Variants in ADAMTS3 observed in about 807,000 individuals in gnomAD.
ADAMTS3 encodes ADAM metallopeptidase with thrombospondin type 1 motif 3.
A neutral mutation model predicts 129.0 loss-of-function variants in ADAMTS3; 73 were observed. That is an observed-to-expected ratio of 0.57 (90% CI 0.47 to 0.69). The LOEUF is 0.69. Among genes scored for constraint, ADAMTS3 ranks in the 30% least tolerant of loss-of-function variants. ADAMTS3 has a pLI of 0.00. For missense variants in ADAMTS3, 1,457 were observed against 1,514.5 expected, an observed-to-expected ratio of 0.96 and a Z score of 0.63; for synonymous variants, 477 against 510.8, an observed-to-expected ratio of 0.93 and a Z score of 0.89.
At chr4:72,434,281 G>A (rs1016588190) in intron 3 of ADAMTS3, among the ~76,000 whole-genome samples, 24 of 151,716 alleles carry the variant, frequency 1.6e-4, no homozygotes, top group African/African-American at 5.6e-4. Context: ...AAATTCATTT[G>A]CTCATTCAGT....
rs758738857 is a variant in ADAMTS3 at position 72,305,996 on chromosome 4, G to A, written c.2251C>T (p.His751Tyr). ...AGACAGAAACACTTACCAAGAATAT[G>A]AGGAGAAGCCTCGTCTTCTTGGATT... ...VLIQEDEASP[H>Y]ILAIKNQATG... The change falls in exon 16 of 22, where the codon CAT becomes TAT. Residue 751 changes from histidine to tyrosine, a missense_variant. His to Tyr is a moderately conservative substitution (Grantham distance 83). Coordinates refer to ENST00000286657, the MANE Select transcript of ADAMTS3 (RefSeq NM_014243.3). The A allele has an allele frequency of 1.9e-6, 3 of 1,611,238 alleles. No homozygotes were observed. Among genetic ancestry groups the A allele is most frequent in the Non-Finnish European group, 2.5e-6 (3 of 1,178,354 alleles).
chr4:72,335,030 G>A (rs980597062), intron 5 of ADAMTS3, among the ~76,000 whole-genome samples: 2 of 152,080 alleles, frequency 1.3e-5, no homozygotes, highest in Non-Finnish European at 2.9e-5. Context: ...AAATCATCTA[G>A]GGTCTGCTCA....
At chr4:72,484,926 C>T (rs1313283285) in intron 3 of ADAMTS3, among the ~76,000 whole-genome samples, 2 of 152,060 alleles carry the variant, frequency 1.3e-5, no homozygotes, top group Non-Finnish European at 2.9e-5. Context: ...TTCCTATTTC[C>T]CACATTATAA....
chr4:72,316,687 T>C (rs1719405649), intron 10 of ADAMTS3, among the ~76,000 whole-genome samples: 1 of 126,152 alleles, frequency 7.9e-6, no homozygotes, highest in South Asian at 2.5e-4. Flanking sequence ...TGAGACACTA[T>C]CTCAAAATAA....
chr4:72,321,790 A>AT (rs779322014), intron 6 of ADAMTS3, among the ~76,000 whole-genome samples: 71 of 148,692 alleles, frequency 4.8e-4, no homozygotes, highest in Non-Finnish European at 7.8e-4. Context: ...AAAAACTCCC[A>AT]TTTTTTTTTT....
At chr4:72,404,825 A>AACACACACACACAC (rs146366382) in intron 4 of ADAMTS3, among the ~76,000 whole-genome samples, 5 of 148,812 alleles carry the variant, frequency 3.4e-5, no homozygotes, top group African/African-American at 1.2e-4. Context: ...AAGCAAACAA[A>AACACACACACACAC]ACACACACAC....
At position 72,413,746 on chromosome 4, in the gene ADAMTS3, C is replaced by T. The variant is rs567417445; in HGVS notation, c.661+1069G>A. 6.6e-5 allele frequency among the ~76,000 whole-genome samples: 10 copies of T among 151,964 alleles called. No individual in the cohort carries two copies. In the South Asian group the frequency reaches 1.9e-3, roughly 28 times the overall value. The stretch of plus-strand genomic sequence containing the variant: ...TAAGGTAACAGAACAACTTGGTGTG[C>T]AGAGCTATTATTACTCATACCAAGT... On this transcript the variant is annotated intron_variant, in intron 4 of 21. Coordinates refer to ENST00000286657, the MANE Select transcript of ADAMTS3 (RefSeq NM_014243.3).
chr4:72,399,819 G>C lies in ADAMTS3; in HGVS notation c.661+14996C>G, dbSNP rs544772081. On this transcript the variant is annotated intron_variant, in intron 4 of 21. Coordinates refer to ENST00000286657, the MANE Select transcript of ADAMTS3 (RefSeq NM_014243.3). The stretch of plus-strand genomic sequence containing the variant: ...GTGTATATATATACACACACGGTGT[G>C]TATATACGTGTGTATATATATACAC... Among the ~76,000 whole-genome samples, 9 of 138,062 alleles carry C rather than the reference G, an allele frequency of 6.5e-5. 1 individual carries two copies. Among genetic ancestry groups the C allele is most frequent in the African/African-American group, 2.5e-4 (9 of 35,998 alleles). The allele number at this position is 138,062 out of a possible 152,430, so 90.6% of individuals were successfully genotyped here. A position where few individuals can be genotyped will look rare whatever the true frequency, so the allele number is the denominator to read the frequency against.
chr4:72,548,512 C>G lies in ADAMTS3; in HGVS notation c.470G>C (p.Gly157Ala). Reference sequence around the variant, plus strand: ...ACAGTTGCTGATGGCAACAGAGGTTCCTGGAATGTCCACGATGTCACCAAC... The same window carrying G: ...ACAGTTGCTGATGGCAACAGAGGTTGCTGGAATGTCCACGATGTCACCAAC... Reference protein sequence around the residue: ...AYVGDIVDIPGTSVAISNCDG... With the variant: ...AYVGDIVDIPATSVAISNCDG... Residue 157 changes from glycine (G) to alanine (A), a missense_variant, in exon 3 of 22, where the codon GGA (glycine) becomes GCA (alanine). Coordinates refer to ENST00000286657, the MANE Select transcript of ADAMTS3 (RefSeq NM_014243.3). 6.2e-7 allele frequency: 1 copy of G among 1,613,838 alleles called. No individual in the cohort carries two copies. Among genetic ancestry groups the G allele is most frequent in the Non-Finnish European group, 8.5e-7 (1 of 1,179,828 alleles).
At chr4:72,530,809 ATAT>A (rs1721019488) in intron 3 of ADAMTS3, among the ~76,000 whole-genome samples, 1 of 117,886 alleles carries the variant, frequency 8.5e-6, no homozygotes, top group East Asian at 2.2e-4. Flanking sequence ...TATATATTAT[ATAT>A]TATATATTAT....
At chr4:72,354,172 G>A (rs1720515971) in intron 4 of ADAMTS3, among the ~76,000 whole-genome samples, 1 of 151,938 alleles carries the variant, frequency 6.6e-6, no homozygotes, top group Non-Finnish European at 1.5e-5. Context: ...TAGTCCAAGT[G>A]TTTGTTTAGA....
intron 6 of ADAMTS3, 53 bp from the exon 7 acceptor site, chr4:72,320,923 G>A (rs1664408570): frequency 7.1e-6 from 11 of 1,544,888 alleles, no homozygotes; most frequent in Admixed American, 6.0e-5. Flanking sequence ...CAAAGGCTTC[G>A]TTTGATAATT....
At chr4:72,352,400 C>G (rs1024536985) in intron 4 of ADAMTS3, among the ~76,000 whole-genome samples, 1 of 152,018 alleles carries the variant, frequency 6.6e-6, no homozygotes, top group African/African-American at 2.4e-5. Context: ...ACAAGGAAAA[C>G]CTTCACATAT....
intron 4 of ADAMTS3, among the ~76,000 whole-genome samples, chr4:72,378,226 T>C (rs1213164568): frequency 2.6e-5 from 4 of 152,148 alleles, no homozygotes; most frequent in African/African-American, 9.7e-5. Flanking sequence ...TATAAAACAC[T>C]AAGCCTATGA....
At chr4:72,412,777 T>C (rs1722213497) in intron 4 of ADAMTS3, among the ~76,000 whole-genome samples, 1 of 152,038 alleles carries the variant, frequency 6.6e-6, no homozygotes, top group Non-Finnish European at 1.5e-5. Context: ...CCCATGACCA[T>C]TGAAACTTGT....
intron 19 of ADAMTS3, 118 bp from the exon 20 acceptor site, chr4:72,291,180 T>G (rs1718653273): frequency 2.0e-6 from 2 of 989,886 alleles, no homozygotes; most frequent in Admixed American, 5.0e-5. Context: ...GTGGGCACAC[T>G]GCAGTTCAGG....
At chr4:72,523,390 T>G (rs1042116836) in intron 3 of ADAMTS3, among the ~76,000 whole-genome samples, 23 of 152,206 alleles carry the variant, frequency 1.5e-4, no homozygotes, top group Non-Finnish European at 2.9e-4. Flanking sequence ...ACTGCTATCC[T>G]ATATATTTGA....
intron 3 of ADAMTS3, among the ~76,000 whole-genome samples, chr4:72,543,363 G>C (rs763617515): frequency 2.0e-5 from 3 of 152,010 alleles, no homozygotes; most frequent in Non-Finnish European, 4.4e-5. Flanking sequence ...TCACTTCAGG[G>C]GATAAATTCA....
At chr4:72,322,715 C>T (rs1277136963) in intron 6 of ADAMTS3, among the ~76,000 whole-genome samples, 1 of 152,086 alleles carries the variant, frequency 6.6e-6, no homozygotes, top group East Asian at 1.9e-4. Context: ...AGGAAATTCT[C>T]TCTCCTCATA....
Sources: gnomAD v4.1 joint callset for allele counts (sites outside exome capture counted in the v4.1 genomes callset) on GRCh38, gnomAD v4.1.1 for gene constraint, MANE v1.5 for transcripts, NCBI Gene and HGNC (gene_info 2026-07-23, HGNC 2026-07-21) for gene names.